Variants in FAM133B observed in about 807,000 individuals in gnomAD.
The protein encoded by FAM133B is family with sequence similarity 133 member B.
A neutral mutation model predicts 46.4 loss-of-function variants in FAM133B; 25 were observed. The observed-to-expected ratio is 0.54, with a 90% confidence interval of 0.39 to 0.75. FAM133B has a LOEUF of 0.75. Ranked by LOEUF, FAM133B falls within the 30% of genes least tolerant of loss-of-function variation. The pLI is 0.00. For missense variants in FAM133B, 205 were observed against 277.6 expected (o/e 0.74, Z 1.86); for synonymous variants, 75 against 86.0 (o/e 0.87, Z 0.71).
At chr7:92,589,173 C>G (rs1258214175) in intron 1 of FAM133B, among the ~76,000 whole-genome samples, 2 of 152,210 alleles carry the variant, frequency 1.3e-5, no homozygotes, top group African/African-American at 4.8e-5. Flanking sequence ...TTTTGCTACT[C>G]AGTGGCTAAA....
chr7:92,584,464 A>G (rs1042446896), intron 1 of FAM133B, among the ~76,000 whole-genome samples: 3 of 152,216 alleles, frequency 2.0e-5, no homozygotes, highest in African/African-American at 7.2e-5. Flanking sequence ...TAAACAACAC[A>G]TACTGAGAAC....
At chr7:92,576,347 T>C (rs1394058435) in intron 7 of FAM133B, among the ~76,000 whole-genome samples, 5 of 151,306 alleles carry the variant, frequency 3.3e-5, no homozygotes, top group African/African-American at 1.2e-4. Context: ...AAATGTTAGC[T>C]ATCATTATCA....
At chr7:92,578,574 T>C (rs1431635593) in intron 3 of FAM133B, among the ~76,000 whole-genome samples, 181 bp from the exon 4 acceptor site, 1 of 152,186 alleles carries the variant, frequency 6.6e-6, no homozygotes, top group Admixed American at 6.5e-5. Context: ...AAGGACCCTC[T>C]ACTAGCTCTT....
At chr7:92,581,753 T>C (rs1585313113) in intron 1 of FAM133B, 150 bp from the exon 2 acceptor site, 1 of 601,794 alleles carries the variant, frequency 1.7e-6, no homozygotes, top group East Asian at 3.0e-5. Context: ...CTAAAAAAAT[T>C]AATTTAATCC....
chr7:92,590,005 C>A lies in FAM133B; in HGVS notation c.24+263G>T. 8.8e-6 allele frequency: 5 copies of A among 567,574 alleles called. No individual in the cohort carries two copies. The South Asian group carries it at 1.1e-4, about 12-fold the overall frequency. The allele number at this position is 567,574 out of a possible 1,614,324, so 35.2% of individuals were successfully genotyped here. A position where few individuals can be genotyped will look rare whatever the true frequency, so the allele number is the denominator to read the frequency against. ...GCACTGGGGGCCCGCGTACAGCAGG[C>A]AAGAGTGCAAACCAGCAGCGCCAGA... On this transcript the variant is annotated intron_variant, in intron 1 of 10. Transcript: ENST00000445716.
chr7:92,577,084 A>G lies in FAM133B; in HGVS notation c.465+19T>C. 7.3e-7 allele frequency: 1 copy of G among 1,364,666 alleles called. No individual in the cohort carries two copies. Among genetic ancestry groups the G allele is most frequent in the Non-Finnish European group, 9.7e-7 (1 of 1,026,802 alleles). The allele number at this position is 1,364,666 out of a possible 1,614,324, so 84.5% of individuals were successfully genotyped here. ...TAAATGTCTTTGTATCCAATATATT[A>G]ATAATTTAAATAATTTACCTTACTG... On this transcript the variant is annotated intron_variant, in intron 7 of 10. Transcript: ENST00000445716.
chr7:92,581,982 C>A (rs949910858), intron 1 of FAM133B, among the ~76,000 whole-genome samples: 6 of 152,188 alleles, frequency 3.9e-5, no homozygotes, highest in Admixed American at 3.3e-4. Context: ...GGTGCAGTGG[C>A]TCACGCCTGT....
chr7:92,589,011 TGCAAGAACTG>T (rs764724747), intron 1 of FAM133B, among the ~76,000 whole-genome samples: 26 of 152,342 alleles, frequency 1.7e-4, no homozygotes, highest in Non-Finnish European at 3.1e-4. Context: ...ATAAAAGCCA[TGCAAGAACTG>T]GCTACTACAG....
At chr7:92,565,459 T>TTA (rs199983047) in intron 10 of FAM133B, 9,791 of 142,154 alleles carry the variant, frequency 0.069, 386 homozygotes, top group Non-Finnish European at 0.091. Flanking sequence ...CCACCTGAGC[T>TTA]TATATATATA....
At chr7:92,564,557 C>T (rs1794269659) in intron 10 of FAM133B, among the ~76,000 whole-genome samples, 1 of 152,330 alleles carries the variant, frequency 6.6e-6, no homozygotes, top group African/African-American at 2.4e-5. Flanking sequence ...ACTTATTCGT[C>T]ATCGTAGGCT....
intron 9 of FAM133B, among the ~76,000 whole-genome samples, chr7:92,568,786 C>T (rs896631099): frequency 6.6e-6 from 1 of 152,052 alleles, no homozygotes; most frequent in Non-Finnish European, 1.5e-5. Flanking sequence ...AGTGCAGTGG[C>T]TATTCACAGG....
At chr7:92,586,107 G>T (rs577999931) in intron 1 of FAM133B, among the ~76,000 whole-genome samples, 6 of 152,086 alleles carry the variant, frequency 3.9e-5, no homozygotes, top group African/African-American at 1.4e-4. Flanking sequence ...CTACTTTTCA[G>T]AGGAAAATGC....
At chr7:92,582,582 C>G (rs1354918401) in intron 1 of FAM133B, among the ~76,000 whole-genome samples, 1 of 152,028 alleles carries the variant, frequency 6.6e-6, no homozygotes, top group Non-Finnish European at 1.5e-5. Flanking sequence ...ATTTGTAAAT[C>G]ATAAATCTAG....
At chr7:92,588,259 G>T (rs544842576) in intron 1 of FAM133B, among the ~76,000 whole-genome samples, 1 of 152,178 alleles carries the variant, frequency 6.6e-6, no homozygotes, top group Admixed American at 6.5e-5. Flanking sequence ...AGCTAATTTG[G>T]TAAGTTTTTC....
intron 8 of FAM133B, among the ~76,000 whole-genome samples, chr7:92,574,332 T>G (rs1368773858): frequency 1.3e-5 from 2 of 152,234 alleles, no homozygotes; most frequent in Admixed American, 1.3e-4. Flanking sequence ...GGTCGCATAT[T>G]GTATGACTGC....
intron 1 of FAM133B, among the ~76,000 whole-genome samples, chr7:92,584,659 A>G (rs1358525433): frequency 6.6e-6 from 1 of 152,208 alleles, no homozygotes; most frequent in Non-Finnish European, 1.5e-5. Context: ...TTTTTTGTAT[A>G]AACTGTTATA....
intron 1 of FAM133B, among the ~76,000 whole-genome samples, chr7:92,584,001 G>T (rs891145354): frequency 5.4e-5 from 7 of 128,718 alleles, no homozygotes; most frequent in African/African-American, 2.0e-4. Flanking sequence ...AGTGAGCTGA[G>T]ATTGTGCCAC....
At chr7:92,569,774 ATAAC>A (rs771282560) in intron 9 of FAM133B, 45 bp downstream of exon 9, 16 of 900,290 alleles carry the variant, frequency 1.8e-5, no homozygotes, top group Non-Finnish European at 2.5e-5. Context: ...TATTAAATCA[ATAAC>A]TAAGCATTTT....
At chr7:92,589,097 A>G (rs932196257) in intron 1 of FAM133B, among the ~76,000 whole-genome samples, 1 of 152,242 alleles carries the variant, frequency 6.6e-6, no homozygotes, top group Non-Finnish European at 1.5e-5. Context: ...CAGCTTGCAA[A>G]TAATTGTTGA....
Sources: gnomAD v4.1 joint callset for allele counts (sites outside exome capture counted in the v4.1 genomes callset) on GRCh38, gnomAD v4.1.1 for gene constraint, MANE v1.5 for transcripts, NCBI Gene and HGNC (gene_info 2026-07-23, HGNC 2026-07-21) for gene names.